ANTXR1: variants seen among roughly 807,000 people sequenced by gnomAD.
ANTXR1 encodes ANTXR cell adhesion molecule 1.
Under a neutral mutation model 78.1 loss-of-function variants are expected in ANTXR1, and 19 were observed. The ratio of observed to expected loss-of-function variants is 0.24; its 90% confidence interval spans 0.17 to 0.36. The LOEUF is 0.36. Among genes scored for constraint, ANTXR1 ranks in the 10% least tolerant of loss-of-function variants. The probability of loss-of-function intolerance (pLI) is 1.00; values close to 1 mark genes in which losing one functional copy is unlikely to be tolerated. For missense variants in ANTXR1, 518 were observed against 718.6 expected, an observed-to-expected ratio of 0.72 and a Z score of 3.19; for synonymous variants, 273 against 260.5, an observed-to-expected ratio of 1.05 and a Z score of -0.46.
At chr2:69,162,219 C>G (rs1452175212) in intron 13 of ANTXR1, among the ~76,000 whole-genome samples, 1 of 152,158 alleles carries the variant, frequency 6.6e-6, no homozygotes, top group African/African-American at 2.4e-5. Flanking sequence ...AAAGCAGTGG[C>G]TTCCTGCCTG....
At chr2:69,072,917 T>A (rs1022413279) in intron 5 of ANTXR1, 105 bp from the exon 6 acceptor site, 23 of 1,129,806 alleles carry the variant, frequency 2.0e-5, no homozygotes, top group Non-Finnish European at 3.1e-5. Flanking sequence ...CTCACAATAT[T>A]GACTTTGGGT....
intron 17 of ANTXR1, among the ~76,000 whole-genome samples, chr2:69,234,361 T>C (rs528988956): frequency 6.6e-6 from 1 of 152,336 alleles, no homozygotes; most frequent in East Asian, 1.9e-4. Context: ...GTTAGCACAA[T>C]TGGCTGATTT....
At chr2:69,080,552 A>G (rs1293793578) in intron 8 of ANTXR1, among the ~76,000 whole-genome samples, 1 of 152,230 alleles carries the variant, frequency 6.6e-6, no homozygotes, top group African/African-American at 2.4e-5. Flanking sequence ...TCAAATACTT[A>G]TTGAAAATCT....
chr2:69,088,012 A>G (rs1384319647), intron 8 of ANTXR1, among the ~76,000 whole-genome samples: 2 of 152,334 alleles, frequency 1.3e-5, no homozygotes, highest in South Asian at 2.1e-4. Context: ...GCTGTATTGC[A>G]TCCTTCCAGA....
At chr2:69,038,225 GA>G (rs1669505834) in intron 1 of ANTXR1, among the ~76,000 whole-genome samples, 1 of 152,148 alleles carries the variant, frequency 6.6e-6, no homozygotes, top group Admixed American at 6.5e-5. Flanking sequence ...TTCTTGAGGG[GA>G]AAGCACCATT....
At position 69,013,414 on chromosome 2, in the gene ANTXR1, G is replaced by T; in HGVS notation, c.-86G>T. The T allele has an allele frequency of 7.1e-6, 11 of 1,544,188 alleles. No homozygotes were observed. In the South Asian group the frequency reaches 1.3e-4, roughly 18 times the overall value. ...GGGAATAAAGGACCCGCGAGGAAGG[G>T]CCCGCGGATGGCGCGTCCCTGAGGG... On this transcript the variant is annotated 5_prime_UTR_variant, in exon 1 of 18. Transcript: ENST00000303714. This position sits in a 1 kb window ranked among gnomAD's most constrained non-coding sequence, Gnocchi z 5.0.
rs375777837 is a variant in ANTXR1 at position 69,028,041 on chromosome 2, C to T, written c.153-12003C>T. Among the ~76,000 whole-genome samples the T allele has an allele frequency of 2.4e-4, 36 of 152,080 alleles. No homozygotes were observed. The East Asian group carries it at 3.5e-3, about 15-fold the overall frequency. ...GATGCAGGCATGTTTAAGGAATTCT[C>T]ATAATTTCAGGAGGAAAACACAGCT... On this transcript the variant is annotated intron_variant, in intron 1 of 17. Coordinates refer to ENST00000303714, the MANE Select transcript of ANTXR1 (RefSeq NM_032208.3).
intron 16 of ANTXR1, among the ~76,000 whole-genome samples, chr2:69,188,133 G>C (rs886541128): frequency 1.3e-5 from 2 of 151,634 alleles, no homozygotes; most frequent in African/African-American, 4.9e-5. Flanking sequence ...TTAAAAATAG[G>C]GTCTTGTTCT....
chr2:69,237,669 C>T lies in ANTXR1; in HGVS notation c.1435-7556C>T, dbSNP rs115046022. Among the ~76,000 whole-genome samples the T allele has an allele frequency of 3.0e-3, 454 of 152,300 alleles. 4 individuals carry two copies. The highest frequency in any genetic ancestry group is 0.01 in the African/African-American group (423 of 41,558). On this transcript the variant is annotated intron_variant, in intron 17 of 17. Coordinates refer to ENST00000303714, the MANE Select transcript of ANTXR1 (RefSeq NM_032208.3). Reference sequence around the variant, plus strand: ...CTCCTGGGCTAAAGTGATCCACCTGCGTTGGCCTCCTAAAGTGCTGAGATT... The same window carrying T: ...CTCCTGGGCTAAAGTGATCCACCTGTGTTGGCCTCCTAAAGTGCTGAGATT...
chr2:69,205,141 CT>C (rs1025809669), intron 17 of ANTXR1, among the ~76,000 whole-genome samples: 2 of 152,116 alleles, frequency 1.3e-5, no homozygotes, highest in African/African-American at 4.8e-5. Context: ...GTTTGGAGTT[CT>C]CTGGGAGCAT....
intron 1 of ANTXR1, among the ~76,000 whole-genome samples, chr2:69,019,805 T>A (rs5012205): frequency 0.25 from 35,833 of 145,088 alleles, 6,456 homozygotes; most frequent in African/African-American, 0.55. Flanking sequence ...ATTGTTTAGC[T>A]CCCACTTAAC....
Position 69,112,481 on chromosome 2 carries a change from T to C in ANTXR1, c.802+9541T>C, listed in dbSNP as rs190497740. Among the ~76,000 whole-genome samples, 10 of 152,296 alleles carry C rather than the reference T, an allele frequency of 6.6e-5. No homozygotes were observed. The Middle Eastern group carries it at 0.02, about 311-fold the overall frequency. ...GACAGATGTGTGCCTGATTCAGAGA[T>C]GCTGATTTCAATAGATCCCCCTCAT... On this transcript the variant is annotated intron_variant, in intron 10 of 17. Transcript: ENST00000303714.
At chr2:69,121,255 T>A in intron 10 of ANTXR1, among the ~76,000 whole-genome samples, 1 of 152,238 alleles carries the variant, frequency 6.6e-6, no homozygotes, top group East Asian at 1.9e-4. Context: ...GCTTGGCACA[T>A]GGTACACACT....
In ANTXR1 at chr2:69,184,016, G is replaced by C. The variant is rs74436129; in HGVS notation, c.1353+1356G>C. ...ACCAACTCCAAAGCCTCAAGTCAAA[G>C]ACTCAATAGAGCCAGCTCCCATCAC... On this transcript the variant is annotated intron_variant, in intron 16 of 17. Coordinates refer to ENST00000303714, the MANE Select transcript of ANTXR1 (RefSeq NM_032208.3). Among the ~76,000 whole-genome samples, 477 of 151,890 alleles carry C rather than the reference G, an allele frequency of 3.1e-3. 5 individuals are homozygous for C. Among genetic ancestry groups the C allele is most frequent in the Non-Finnish European group, 5.1e-3 (349 of 67,976 alleles).
At chr2:69,186,369 C>A (rs73934780) in intron 16 of ANTXR1, among the ~76,000 whole-genome samples, 9,550 of 152,268 alleles carry the variant, frequency 0.063, 773 homozygotes, top group African/African-American at 0.18. Flanking sequence ...GATGTTCGAT[C>A]CACAATGAGT....
intron 16 of ANTXR1, 45 bp from the exon 17 acceptor site, chr2:69,193,290 A>G (rs1256305475): frequency 1.3e-6 from 2 of 1,585,098 alleles, no homozygotes; most frequent in Non-Finnish European, 8.7e-7. Context: ...GGCTAGCCAC[A>G]GGTCTGGTTT....
At chr2:69,161,134 G>A (rs1436649884) in intron 13 of ANTXR1, among the ~76,000 whole-genome samples, 2 of 152,230 alleles carry the variant, frequency 1.3e-5, no homozygotes, top group Non-Finnish European at 2.9e-5. Context: ...TCAAGCCTCA[G>A]GGAATCTGAA....
intron 13 of ANTXR1, among the ~76,000 whole-genome samples, chr2:69,158,912 G>A (rs1558608998): frequency 1.3e-5 from 2 of 152,156 alleles, no homozygotes; most frequent in African/African-American, 2.4e-5. Context: ...CTCCTCCATG[G>A]CGAGGAGAAA....
At chr2:69,169,685 A>G (rs1289770594) in intron 13 of ANTXR1, among the ~76,000 whole-genome samples, 1 of 152,254 alleles carries the variant, frequency 6.6e-6, no homozygotes, top group African/African-American at 2.4e-5. Context: ...GCCCTGAAAG[A>G]AATCCCTGGA....
Sources: gnomAD v4.1 joint callset for allele counts (sites outside exome capture counted in the v4.1 genomes callset) on GRCh38, gnomAD v4.1.1 for gene constraint, Gnocchi (gnomAD v3.1) non-coding constraint, MANE v1.5 for transcripts, NCBI Gene and HGNC (gene_info 2026-07-23, HGNC 2026-07-21) for gene names.